Variants in ASAP1 observed in about 807,000 individuals in gnomAD.
The protein encoded by ASAP1 is ArfGAP with SH3 domain, ankyrin repeat and PH domain 1, also known as arf-GAP with SH3 domain, ANK repeat and PH domain-containing protein 1.
ASAP1 carries 43 observed loss-of-function variants against 145.2 expected under a neutral mutation model. That is an observed-to-expected ratio of 0.30 (90% CI 0.23 to 0.38). The LOEUF is 0.38. Among genes scored for constraint, ASAP1 ranks in the 10% least tolerant of loss-of-function variants. The pLI is 1.00. For missense variants in ASAP1, 1,018 were observed against 1,355.3 expected (o/e 0.75, Z 3.91); for synonymous variants, 546 against 515.5 (o/e 1.06, Z -0.80).
At chr8:130,195,890 T>C (rs557152591) in intron 5 of ASAP1, among the ~76,000 whole-genome samples, 19 of 152,382 alleles carry the variant, frequency 1.2e-4, no homozygotes, top group African/African-American at 4.3e-4. Context: ...TCTTCTGCTC[T>C]GATTTTTAAA....
intron 11 of ASAP1, among the ~76,000 whole-genome samples, chr8:130,166,157 C>T (rs147143916): frequency 4.3e-4 from 66 of 152,230 alleles, no homozygotes; most frequent in Middle Eastern, 3.4e-3. Flanking sequence ...CAGGCACATG[C>T]CACCATGCGT....
intron 12 of ASAP1, among the ~76,000 whole-genome samples, chr8:130,154,215 C>T (rs181906734): frequency 2.6e-5 from 4 of 151,836 alleles, no homozygotes; most frequent in Non-Finnish European, 2.9e-5. Flanking sequence ...CTCAGAGCCC[C>T]GAGAAAAAAC....
chr8:130,183,907 C>T (rs1814539961), intron 7 of ASAP1, among the ~76,000 whole-genome samples: 1 of 152,132 alleles, frequency 6.6e-6, no homozygotes, highest in African/African-American at 2.4e-5. Context: ...ATCTAAAGAG[C>T]TCTGCAAAGG....
At chr8:130,387,200 C>T (rs1351804032) in intron 2 of ASAP1, among the ~76,000 whole-genome samples, 2 of 151,924 alleles carry the variant, frequency 1.3e-5, no homozygotes, top group Non-Finnish European at 2.9e-5. Context: ...TCTGGATGAC[C>T]CAGGAAGAAG....
chr8:130,292,777 A>G (rs1337625249), intron 3 of ASAP1, among the ~76,000 whole-genome samples: 1 of 152,228 alleles, frequency 6.6e-6, no homozygotes, highest in South Asian at 2.1e-4. Flanking sequence ...ACCTCAGTTC[A>G]AAACTGCTAC....
At chr8:130,436,261 T>C (rs1458092526) in intron 1 of ASAP1, among the ~76,000 whole-genome samples, 2 of 152,324 alleles carry the variant, frequency 1.3e-5, no homozygotes, top group African/African-American at 2.4e-5. Flanking sequence ...TCCTAGTACT[T>C]TGGAAGGCTG....
Position 130,115,699 on chromosome 8 carries a change from C to G in ASAP1, c.2101G>C (p.Val701Leu). 1 of 1,614,050 alleles carries G rather than the reference C, an allele frequency of 6.2e-7. No individual in the cohort carries two copies. The highest frequency in any genetic ancestry group is 8.5e-7 in the Non-Finnish European group (1 of 1,179,940). ...AGATTCCACTCATATTCTACGTGGACGTGTGGATTGAACTTTCCAGATTTA... is the reference window on the plus strand; with the variant it reads ...AGATTCCACTCATATTCTACGTGGAGGTGTGGATTGAACTTTCCAGATTTA... The part of the protein sequence containing the change: ...QAKSGKFNPH[V>L]HVEYEWNLRQ... Residue 701 changes from valine (V) to leucine (L), a missense_variant, in exon 23 of 30, where the codon GTC becomes CTC. By Grantham distance (32) the Val-to-Leu change is conservative (BLOSUM62 1). Around this residue, in one of 9 missense-constraint regions of ASAP1, gnomAD observed 353 missense variants for 375.4 expected, o/e 0.94. Coordinates refer to ENST00000518721, the MANE Select transcript of ASAP1 (RefSeq NM_018482.4).
intron 24 of ASAP1, among the ~76,000 whole-genome samples, chr8:130,094,212 T>C (rs1323359556): frequency 6.6e-6 from 1 of 152,084 alleles, no homozygotes. Flanking sequence ...GGTTTATCGT[T>C]AAAAAAAATT....
At chr8:130,314,009 A>T (rs1007791042) in intron 3 of ASAP1, among the ~76,000 whole-genome samples, 10 of 152,216 alleles carry the variant, frequency 6.6e-5, no homozygotes, top group Non-Finnish European at 1.5e-4. Flanking sequence ...CCAATCACTC[A>T]GTGTGACAGG....
intron 3 of ASAP1, among the ~76,000 whole-genome samples, chr8:130,344,742 AAAAC>A (rs760226346): frequency 2.7e-3 from 415 of 152,292 alleles, no homozygotes; most frequent in African/African-American, 8.8e-3. Flanking sequence ...GTCTCTTAAA[AAAAC>A]AAACAAACAA....
intron 3 of ASAP1, among the ~76,000 whole-genome samples, chr8:130,259,924 G>A (rs1446887031): frequency 6.6e-6 from 1 of 152,174 alleles, no homozygotes; most frequent in Non-Finnish European, 1.5e-5. Context: ...ATCAGTCATA[G>A]GCAGCACCGA....
At chr8:130,130,589 T>C (rs1564994877) in intron 15 of ASAP1, among the ~76,000 whole-genome samples, 1 of 152,242 alleles carries the variant, frequency 6.6e-6, no homozygotes, top group African/African-American at 2.4e-5. Context: ...GAATGCATAA[T>C]TGTATTTTAA....
At position 130,323,049 on chromosome 8, in the gene ASAP1, C is replaced by G. The variant is rs1824108665; in HGVS notation, c.186+34968G>C. On this transcript the variant is annotated intron_variant, in intron 3 of 29. Transcript: ENST00000518721. ...GCAATGCAATGAAATTATCGTGCATCTGCTGGAGTGAAGACAGTGCTCCAG... is the reference window on the plus strand; with the variant it reads ...GCAATGCAATGAAATTATCGTGCATGTGCTGGAGTGAAGACAGTGCTCCAG... 2.0e-5 allele frequency among the ~76,000 whole-genome samples: 3 copies of G among 152,230 alleles called. No individual in the cohort carries two copies. In the South Asian group the frequency reaches 6.2e-4, roughly 31 times the overall value.
intron 2 of ASAP1, among the ~76,000 whole-genome samples, chr8:130,398,118 ATGACATGTTTTTAT>A (rs1331474547): frequency 6.6e-6 from 1 of 152,256 alleles, no homozygotes; most frequent in Non-Finnish European, 1.5e-5. Flanking sequence ...TTTCAGCTAC[ATGACATGTTTTTAT>A]TGACATATAA....
chr8:130,325,578 G>A (rs987088434), intron 3 of ASAP1, among the ~76,000 whole-genome samples: 1 of 152,226 alleles, frequency 6.6e-6, no homozygotes, highest in South Asian at 2.1e-4. Context: ...TGCTGAGGAA[G>A]GCGTTTTGGG....
chr8:130,052,912 C>T lies in ASAP1; in HGVS notation c.*1819G>A, dbSNP rs541704259. ...CACTGGTGTGGCTTCAGTACCGAGG[C>T]TGCTAAAGCTGCCAGTCACAACCCA... is the stretch of plus-strand genomic sequence containing the variant. On this transcript the variant is annotated 3_prime_UTR_variant, in exon 30 of 30. Transcript: ENST00000518721. 6.6e-6 allele frequency: 1 copy of T among 152,134 alleles called. No individual in the cohort carries two copies. The highest frequency in any genetic ancestry group is 2.4e-5 in the African/African-American group (1 of 41,430). The allele number at this position is 152,134 out of a possible 1,614,324, so 9.4% of individuals were successfully genotyped here. A position where few individuals can be genotyped will look rare whatever the true frequency, so the allele number is the denominator to read the frequency against.
At chr8:130,231,262 A>G (rs534764261) in intron 4 of ASAP1, among the ~76,000 whole-genome samples, 1 of 152,352 alleles carries the variant, frequency 6.6e-6, no homozygotes, top group Non-Finnish European at 1.5e-5. Flanking sequence ...AAATGTAAGG[A>G]AATGAGAAAA....
intron 3 of ASAP1, among the ~76,000 whole-genome samples, chr8:130,320,070 C>T (rs532067748): frequency 6.6e-6 from 1 of 152,196 alleles, no homozygotes; most frequent in Admixed American, 6.5e-5. Flanking sequence ...TCTGTATTTT[C>T]CACATTTTTA....
chr8:130,226,672 C>T (rs1817606990), intron 4 of ASAP1, among the ~76,000 whole-genome samples: 1 of 152,188 alleles, frequency 6.6e-6, no homozygotes, highest in Admixed American at 6.5e-5. Flanking sequence ...TTCTGCAGCA[C>T]TGACAAATCC....
Sources: allele counts gnomAD v4.1 joint callset (sites outside exome capture counted in the v4.1 genomes callset), GRCh38; gene constraint gnomAD v4.1.1; regional missense constraint gnomAD v4.1.1; transcripts MANE v1.5; gene names NCBI Gene and HGNC (gene_info 2026-07-23, HGNC 2026-07-21).